The following SLC10A7 variants were observed in gnomAD, a reference collection of about 807,000 sequenced individuals.
SLC10A7 encodes the protein solute carrier family 10 member 7.
SLC10A7 carries 29 observed loss-of-function variants against 43.2 expected under a neutral mutation model. That is an observed-to-expected ratio of 0.67 (90% confidence interval 0.50 to 0.92). The LOEUF is 0.92. Among genes scored for constraint, SLC10A7 ranks in the 40% least tolerant of loss-of-function variants. The pLI, the probability that SLC10A7 is intolerant of heterozygous loss-of-function variation, is 0.00. For missense variants in SLC10A7, 295 were observed against 403.2 expected (o/e 0.73, Z 2.30); for synonymous variants, 152 against 144.8 (o/e 1.05, Z -0.35).
chr4:146,406,056 C>A (rs991797012), intron 5 of SLC10A7, among the ~76,000 whole-genome samples: 2 of 152,092 alleles, frequency 1.3e-5, no homozygotes, highest in African/African-American at 4.8e-5. Flanking sequence ...GATCATAGAA[C>A]AATTGGGAGC....
At chr4:146,347,173 T>C (rs6852118) in intron 5 of SLC10A7, among the ~76,000 whole-genome samples, 124,327 of 152,058 alleles carry the variant, frequency 0.82, 51,550 homozygotes, top group African/African-American at 0.94. Context: ...CAGAACAGCA[T>C]GTGTGAAAGG....
chr4:146,398,124 T>C (rs1298640477), intron 5 of SLC10A7, among the ~76,000 whole-genome samples: 1 of 152,218 alleles, frequency 6.6e-6, no homozygotes, highest in East Asian at 1.9e-4. Context: ...TATGTGGATA[T>C]GCATGTGAAT....
intron 5 of SLC10A7, among the ~76,000 whole-genome samples, chr4:146,344,221 A>G (rs566989046): frequency 6.6e-6 from 1 of 152,178 alleles, no homozygotes; most frequent in South Asian, 2.1e-4. Flanking sequence ...ATCACAGTTT[A>G]CTTTGAATGG....
chr4:146,429,049 A>G (rs1435764467), intron 5 of SLC10A7, among the ~76,000 whole-genome samples: 1 of 152,166 alleles, frequency 6.6e-6, no homozygotes, highest in Non-Finnish European at 1.5e-5. Context: ...AATCTTATAA[A>G]TTACTAAATA....
chr4:146,450,526 G>A (rs1333434899), intron 4 of SLC10A7, among the ~76,000 whole-genome samples: 1 of 152,132 alleles, frequency 6.6e-6, no homozygotes, highest in Non-Finnish European at 1.5e-5. Flanking sequence ...AGTTGATGCT[G>A]CACTCATGCC....
intron 6 of SLC10A7, among the ~76,000 whole-genome samples, chr4:146,308,202 G>A (rs1024600617): frequency 2.0e-5 from 3 of 152,136 alleles, no homozygotes; most frequent in South Asian, 2.1e-4. Flanking sequence ...GAAGACAGAC[G>A]AGGTATGGCA....
chr4:146,467,562 CTTTTTTTTTT>C (rs397995707), intron 4 of SLC10A7, among the ~76,000 whole-genome samples: 3 of 92,832 alleles, frequency 3.2e-5, no homozygotes, highest in Non-Finnish European at 5.9e-5. Flanking sequence ...TTCTTTCTCT[CTTTTTTTTTT>C]TTTTTTTTTT....
chr4:146,284,961 G>T, intron 9 of SLC10A7, among the ~76,000 whole-genome samples: 1 of 152,176 alleles, frequency 6.6e-6, no homozygotes, highest in East Asian at 1.9e-4. Flanking sequence ...GAAAGTAGGA[G>T]ATGATGATAG....
intron 5 of SLC10A7, among the ~76,000 whole-genome samples, chr4:146,366,288 C>T (rs1736386698): frequency 6.6e-6 from 1 of 152,120 alleles, no homozygotes; most frequent in Admixed American, 6.5e-5. Context: ...GTAACCATCC[C>T]AGTGGGATCT....
intron 4 of SLC10A7, chr4:146,478,181 C>T (rs1734190733): frequency 6.6e-6 from 1 of 152,226 alleles, no homozygotes; most frequent in Admixed American, 6.5e-5. Context: ...CACGCGGTTT[C>T]TGTTGCCTAC....
chr4:146,503,249 G>T (rs925937527), intron 4 of SLC10A7, among the ~76,000 whole-genome samples: 3 of 152,154 alleles, frequency 2.0e-5, no homozygotes, highest in African/African-American at 7.2e-5. Flanking sequence ...TATCACAAAT[G>T]AATGTCCGTC....
At chr4:146,461,823 CTT>C (rs10695588) in intron 4 of SLC10A7, among the ~76,000 whole-genome samples, 1 of 136,342 alleles carries the variant, frequency 7.3e-6, no homozygotes, top group Non-Finnish European at 1.6e-5. Flanking sequence ...AGTGACCAGG[CTT>C]TTTTTTTTTT....
intron 10 of SLC10A7, among the ~76,000 whole-genome samples, chr4:146,270,663 G>A (rs1156702173): frequency 6.6e-6 from 1 of 152,152 alleles, no homozygotes; most frequent in Non-Finnish European, 1.5e-5. Context: ...CTGGTATTGC[G>A]GTGGAGTCAG....
rs995629748 is a variant in SLC10A7, at chr4:146,396,460, T to C, written c.435+46323A>G. Among the ~76,000 whole-genome samples, 4 of 152,266 alleles carry C rather than the reference T, an allele frequency of 2.6e-5. No homozygotes were observed. In the East Asian group the frequency reaches 5.8e-4, roughly 22 times the overall value. On this transcript the variant is annotated intron_variant, in intron 5 of 11. Coordinates refer to ENST00000335472, the MANE Select transcript of SLC10A7 (RefSeq NM_001029998.6). Reference sequence around the variant, plus strand: ...TGAAAGTAGAAAAGGTTGATAGTTTTAGATTACATTACCCTAAATAAAGAA... The same window carrying C: ...TGAAAGTAGAAAAGGTTGATAGTTTCAGATTACATTACCCTAAATAAAGAA...
At chr4:146,513,098 T>C (rs922915853) in intron 2 of SLC10A7, among the ~76,000 whole-genome samples, 3 of 152,102 alleles carry the variant, frequency 2.0e-5, no homozygotes, top group African/African-American at 7.2e-5. Context: ...ATTGTTAACA[T>C]TGTTTGTCTC....
chr4:146,501,203 G>C (rs763286273), intron 4 of SLC10A7, among the ~76,000 whole-genome samples: 1 of 152,098 alleles, frequency 6.6e-6, no homozygotes, highest in Non-Finnish European at 1.5e-5. Flanking sequence ...TTTATCCACT[G>C]ATGATTCCCT....
chr4:146,448,091 T>C (rs549375509), intron 4 of SLC10A7, among the ~76,000 whole-genome samples: 13 of 152,048 alleles, frequency 8.5e-5, no homozygotes, highest in African/African-American at 3.1e-4. Context: ...CGGTGAGGGA[T>C]AGCATTATGA....
chr4:146,468,018 G>C (rs1004344515), intron 4 of SLC10A7, among the ~76,000 whole-genome samples: 5 of 152,140 alleles, frequency 3.3e-5, no homozygotes, highest in South Asian at 4.1e-4. Context: ...AATTTACCAT[G>C]TGAAACAGCC....
intron 9 of SLC10A7, among the ~76,000 whole-genome samples, chr4:146,286,818 G>A (rs963019414): frequency 0.076 from 911 of 11,988 alleles, no homozygotes; most frequent in African/African-American, 0.25. Context: ...GAGAAGGACT[G>A]TTTGGAGTGA....
Sources: gnomAD v4.1 joint callset for allele counts (sites outside exome capture counted in the v4.1 genomes callset) on GRCh38, gnomAD v4.1.1 for gene constraint, MANE v1.5 for transcripts, NCBI Gene and HGNC (gene_info 2026-07-23, HGNC 2026-07-21) for gene names.